Variants in USP34 observed in about 807,000 individuals in gnomAD.
USP34 encodes ubiquitin specific peptidase 34.
In USP34, 70 loss-of-function variants were observed where a neutral mutation model predicts 460.3. The observed-to-expected ratio is 0.15, with a 90% confidence interval of 0.13 to 0.19. The LOEUF is 0.19. USP34 is among the 10% of genes least tolerant of loss of function. USP34 has a pLI of 1.00. For synonymous variants in USP34, 1,647 were observed against 1,405.3 expected (o/e 1.17, Z -3.85); for missense variants, 3,985 against 4,236.2 (o/e 0.94, Z 1.65).
Position 61,266,035 on chromosome 2 carries a change from C to G in USP34, c.5566G>C (p.Val1856Leu), listed in dbSNP as rs759634198. 6.2e-7 allele frequency: 1 copy of G among 1,613,860 alleles called. No homozygotes were observed. The highest frequency in any genetic ancestry group is 8.5e-7 in the Non-Finnish European group (1 of 1,179,788). ...DLLVEMVKGS[V>L]ENYRLIHNWV... ...TTGTGTATTAGCCTGTAGTTCTCAA[C>G]AGACCCCTTTACCATCTCTACTAAC... The change falls in exon 42 of 80, where the codon GTT becomes CTT. Residue 1856 changes from valine (V) to leucine (L), a missense_variant. Coordinates refer to ENST00000398571, the MANE Select transcript of USP34 (RefSeq NM_014709.4).
intron 1 of USP34, among the ~76,000 whole-genome samples, chr2:61,447,020 C>T (rs796693635): frequency 3.6e-4 from 55 of 151,968 alleles, no homozygotes; most frequent in African/African-American, 1.1e-3. Context: ...TTTGGGAGGC[C>T]AAGGCAAGCA....
At chr2:61,200,594 T>C (rs550369942) in intron 75 of USP34, 5 of 152,482 alleles carry the variant, frequency 3.3e-5, no homozygotes, top group South Asian at 4.1e-4. Context: ...CAATCCATTA[T>C]AGGTCTTGAG....
intron 15 of USP34, among the ~76,000 whole-genome samples, chr2:61,347,371 ATTG>A (rs1289685368): frequency 6.6e-6 from 1 of 151,976 alleles, no homozygotes; most frequent in Non-Finnish European, 1.5e-5. Flanking sequence ...CTGGTTTTTT[ATTG>A]TTGTTGTTCA....
rs745480283 is a variant in USP34, at chr2:61,349,214, A to T, written c.1543+36T>A. ...TCTAGAAAACCACTATAAAAAACTA[A>T]GTCATGTTGCCATGAATTTCTAAGG... On this transcript the variant is annotated intron_variant, in intron 13 of 79. Coordinates refer to ENST00000398571, the MANE Select transcript of USP34 (RefSeq NM_014709.4). The T allele has an allele frequency of 2.0e-5, 32 of 1,597,618 alleles. No homozygotes were observed. In the African/African-American group the frequency reaches 3.8e-4, roughly 19 times the overall value.
At chr2:61,420,695 T>A in intron 2 of USP34, 51 bp downstream of exon 2, 2 of 1,447,354 alleles carry the variant, frequency 1.4e-6, no homozygotes, top group Admixed American at 4.2e-5. Context: ...AAATCGCAAC[T>A]TATAACACAA....
intron 2 of USP34, among the ~76,000 whole-genome samples, chr2:61,420,495 T>G (rs959820269): frequency 6.6e-6 from 1 of 152,212 alleles, no homozygotes; most frequent in Non-Finnish European, 1.5e-5. Context: ...TAGTTACTTT[T>G]CAGAATTTCT....
intron 3 of USP34, among the ~76,000 whole-genome samples, chr2:61,398,720 A>G (rs1693618599): frequency 1.3e-5 from 2 of 152,206 alleles, no homozygotes; most frequent in Non-Finnish European, 2.9e-5. Flanking sequence ...CATTGCCATC[A>G]CCTATTTTAG....
chr2:61,275,302 G>T (rs2103943505), intron 41 of USP34, among the ~76,000 whole-genome samples: 1 of 152,162 alleles, frequency 6.6e-6, no homozygotes, highest in Non-Finnish European at 1.5e-5. Flanking sequence ...ATAATATTTT[G>T]AAGTTACTTT....
intron 7 of USP34, 60 bp from the exon 8 acceptor site, chr2:61,378,484 A>C (rs1308415999): frequency 9.4e-7 from 1 of 1,058,508 alleles, no homozygotes; most frequent in African/African-American, 1.6e-5. Context: ...TGCATTTGTC[A>C]GCAAATACTA....
intron 35 of USP34, among the ~76,000 whole-genome samples, chr2:61,284,413 C>G (rs1689627674): frequency 6.6e-6 from 1 of 152,026 alleles, no homozygotes; most frequent in African/African-American, 2.4e-5. Context: ...TGAAAAGAAA[C>G]AGAAGAACTG....
At chr2:61,317,403 T>C (rs190721880) in intron 23 of USP34, among the ~76,000 whole-genome samples, 3 of 152,230 alleles carry the variant, frequency 2.0e-5, no homozygotes, top group Admixed American at 2.0e-4. Flanking sequence ...GGCAAATGTC[T>C]GTAATCCCAG....
At chr2:61,453,139 T>C (rs1695334201) in intron 1 of USP34, among the ~76,000 whole-genome samples, 1 of 152,092 alleles carries the variant, frequency 6.6e-6, no homozygotes, top group African/African-American at 2.4e-5. Context: ...GGCTGGGCAC[T>C]GTGGCTCATG....
At chr2:61,395,292 A>T in intron 3 of USP34, 59 bp from the exon 4 acceptor site, 1 of 1,030,808 alleles carries the variant, frequency 9.7e-7, no homozygotes, top group Non-Finnish European at 1.5e-6. Context: ...TTTAAAAAAT[A>T]CAATTCTATA....
At chr2:61,329,486 T>A (rs1691196696) in intron 20 of USP34, among the ~76,000 whole-genome samples, 1 of 152,194 alleles carries the variant, frequency 6.6e-6, no homozygotes, top group Non-Finnish European at 1.5e-5. Flanking sequence ...TAGAGGGAAC[T>A]TTGTAAGCAA....
At chr2:61,222,502 A>G (rs1235272731) in intron 65 of USP34, 117 bp downstream of exon 65, 2 of 717,554 alleles carry the variant, frequency 2.8e-6, no homozygotes, top group Non-Finnish European at 4.7e-6. Context: ...AAAATAGGTT[A>G]TTATGTTATG....
At chr2:61,277,198 A>G (rs2103947797) in intron 41 of USP34, among the ~76,000 whole-genome samples, 1 of 152,058 alleles carries the variant, frequency 6.6e-6, no homozygotes, top group Non-Finnish European at 1.5e-5. Context: ...TTCAAAATAT[A>G]CAATTCTATA....
At chr2:61,328,988 GT>G (rs1005381140) in intron 20 of USP34, among the ~76,000 whole-genome samples, 1 of 151,976 alleles carries the variant, frequency 6.6e-6, no homozygotes, top group African/African-American at 2.4e-5. Context: ...GCCATGTGTG[GT>G]TTTATTTCTG....
chr2:61,235,774 A>C (rs1688049655), intron 57 of USP34, 71 bp downstream of exon 57: 1 of 1,473,634 alleles, frequency 6.8e-7, no homozygotes, highest in East Asian at 2.3e-5. Context: ...CTGCTGTAGC[A>C]TCTTAGATCA....
Position 61,406,076 on chromosome 2 carries a change from C to T in USP34, c.184G>A (p.Val62Ile). Residue 62 changes from valine (V) to isoleucine (I), a missense_variant, in exon 3 of 80, where the codon GTA becomes ATA. By Grantham distance (29) the Val-to-Ile change is conservative (BLOSUM62 3). Coordinates refer to ENST00000398571, the MANE Select transcript of USP34 (RefSeq NM_014709.4). ...ACTAAGTTAATAAGTGCACACACTA[C>T]TTGATTAAAAATCTCCAAATGCTTA... is the stretch of plus-strand genomic sequence containing the variant. ...EYKHLEIFNQ[V>I]VCALINLVIA... 2 of 1,612,986 alleles carry T rather than the reference C, an allele frequency of 1.2e-6. No homozygotes were observed. The highest frequency in any genetic ancestry group is 1.7e-6 in the Non-Finnish European group (2 of 1,179,810).
Sources: allele counts gnomAD v4.1 joint callset (sites outside exome capture counted in the v4.1 genomes callset), GRCh38; gene constraint gnomAD v4.1.1; transcripts MANE v1.5; gene names NCBI Gene and HGNC (gene_info 2026-07-23, HGNC 2026-07-21).